The following SFMBT1 variants were observed in gnomAD, a reference collection of about 807,000 sequenced individuals.
The protein encoded by SFMBT1 is scm-like with four MBT domains protein 1.
A neutral mutation model predicts 108.7 loss-of-function variants in SFMBT1; 32 were observed. That is an observed-to-expected ratio of 0.29 (90% CI 0.22 to 0.40). The LOEUF (loss-of-function observed/expected upper bound fraction) is 0.40, where lower values mean the gene tolerates loss of function less well. Among genes scored for constraint, SFMBT1 ranks in the 10% least tolerant of loss-of-function variants. The pLI, the probability that SFMBT1 is intolerant of heterozygous loss-of-function variation, is 1.00. For missense variants in SFMBT1, 816 were observed against 1,059.6 expected (o/e 0.77, Z 3.19); for synonymous variants, 348 against 369.5 (o/e 0.94, Z 0.67).
intron 1 of SFMBT1, among the ~76,000 whole-genome samples, chr3:52,969,717 T>C (rs975509033): frequency 1.3e-5 from 2 of 152,220 alleles, no homozygotes; most frequent in African/African-American, 2.4e-5. Context: ...TAGAATATTA[T>C]GCAGATCCAT....
chr3:52,983,479 C>T lies in SFMBT1; in HGVS notation c.-130-14221G>A, dbSNP rs117461991. On this transcript the variant is annotated intron_variant, in intron 1 of 20. Transcript: ENST00000394752. ...TCTTCAACTGCGTGTGGGGTCAACACCCCTGTGTTGTTCAAGGGTCAACTA... is the reference window on the plus strand; with the variant it reads ...TCTTCAACTGCGTGTGGGGTCAACATCCCTGTGTTGTTCAAGGGTCAACTA... 3.9e-5 allele frequency among the ~76,000 whole-genome samples: 6 copies of T among 152,286 alleles called. No homozygotes were observed. The East Asian group carries it at 1.2e-3, about 29-fold the overall frequency.
chr3:53,038,538 T>C (rs981794244), intron 1 of SFMBT1, among the ~76,000 whole-genome samples: 5 of 152,188 alleles, frequency 3.3e-5, no homozygotes, highest in African/African-American at 1.2e-4. Flanking sequence ...CCACATTTAC[T>C]ACATTAATAC....
At chr3:52,978,847 T>C (rs1346538448) in intron 1 of SFMBT1, among the ~76,000 whole-genome samples, 11 of 152,056 alleles carry the variant, frequency 7.2e-5, no homozygotes, top group South Asian at 6.2e-4. Context: ...CATGAGAAGA[T>C]AGACACTAAA....
intron 1 of SFMBT1, among the ~76,000 whole-genome samples, chr3:53,024,327 GT>G (rs910316277): frequency 1.3e-5 from 2 of 152,206 alleles, no homozygotes; most frequent in African/African-American, 4.8e-5. Context: ...AAGGGAGCTA[GT>G]TACTCACATA....
intron 1 of SFMBT1, among the ~76,000 whole-genome samples, chr3:52,987,152 A>G (rs1313543829): frequency 6.6e-6 from 1 of 152,108 alleles, no homozygotes; most frequent in Non-Finnish European, 1.5e-5. Flanking sequence ...CATCTCCTTG[A>G]TAACAGTGCC....
intron 1 of SFMBT1, among the ~76,000 whole-genome samples, chr3:53,024,045 T>C (rs1699402295): frequency 6.6e-6 from 1 of 152,190 alleles, no homozygotes; most frequent in Non-Finnish European, 1.5e-5. Context: ...TCAAGGAGCT[T>C]ACATTCTAGT....
At chr3:52,987,501 T>C (rs866464696) in intron 1 of SFMBT1, among the ~76,000 whole-genome samples, 13 of 152,292 alleles carry the variant, frequency 8.5e-5, no homozygotes, top group African/African-American at 2.9e-4. Flanking sequence ...AGGCCACCAT[T>C]GACTGAAACA....
intron 1 of SFMBT1, among the ~76,000 whole-genome samples, chr3:53,031,981 G>GA (rs1228756563): frequency 6.6e-6 from 1 of 152,156 alleles, no homozygotes; most frequent in African/African-American, 2.4e-5. Flanking sequence ...TCAATGGTGA[G>GA]AAAAAAGTGC....
intron 3 of SFMBT1, among the ~76,000 whole-genome samples, chr3:52,945,136 T>TAAAAACAAAAAC (rs1553636666): frequency 6.2e-5 from 3 of 48,512 alleles, no homozygotes; most frequent in African/African-American, 2.0e-4. Flanking sequence ...ACCTTCCAAT[T>TAAAAACAAAAAC]AAAAAAAAAA....
chr3:52,940,083 A>G (rs1359408488), intron 4 of SFMBT1, among the ~76,000 whole-genome samples: 1 of 152,158 alleles, frequency 6.6e-6, no homozygotes, highest in African/African-American at 2.4e-5. Context: ...ATGAGATTCA[A>G]CTGAAATCCT....
chr3:52,918,220 T>TGAA (rs763524796), intron 13 of SFMBT1, among the ~76,000 whole-genome samples: 151 of 152,336 alleles, frequency 9.9e-4, no homozygotes, highest in South Asian at 5.2e-3. Context: ...GCACTCTTAT[T>TGAA]TTCTTTCTTT....
At chr3:52,993,194 T>C (rs1405239234) in intron 1 of SFMBT1, among the ~76,000 whole-genome samples, 1 of 132,828 alleles carries the variant, frequency 7.5e-6, no homozygotes, top group African/African-American at 2.5e-5. Context: ...TTTATAAACT[T>C]CAACCAAATC....
Position 52,928,271 on chromosome 3 carries a change from A to G in SFMBT1, c.968T>C (p.Phe323Ser). ...GCCAGGACTGTCGGCGTGGCACACA[A>G]AGGATCGCCGTGCGTGGTTCTCAGG... ...LRPENHARRS[F>S]VCHADSPGIF... The change falls in exon 9 of 21, where the codon TTT (phenylalanine) becomes TCT (serine). Residue 323 changes from phenylalanine to serine, a missense_variant. Physicochemically the swap from Phe to Ser is radical, Grantham distance 155. Around this residue, in one of 5 missense-constraint regions of SFMBT1, gnomAD observed 495 missense variants for 607.4 expected, o/e 0.81. Transcript: ENST00000394752. 6.2e-7 allele frequency: 1 copy of G among 1,614,144 alleles called. No individual in the cohort carries two copies. Among genetic ancestry groups the G allele is most frequent in the Non-Finnish European group, 8.5e-7 (1 of 1,180,012 alleles).
At chr3:52,928,520 T>C (rs1702729686) in intron 8 of SFMBT1, 179 bp from the exon 9 acceptor site, 2 of 552,252 alleles carry the variant, frequency 3.6e-6, no homozygotes, top group Non-Finnish European at 5.9e-6. Context: ...TAAATGCTTT[T>C]CATGTATCAA....
chr3:52,913,371 A>C (rs1702261555), intron 15 of SFMBT1, 107 bp downstream of exon 15: 2 of 1,378,918 alleles, frequency 1.5e-6, no homozygotes, highest in Admixed American at 5.3e-5. Flanking sequence ...GTAACTTTTG[A>C]TAAAACCTAG....
At chr3:52,981,529 ATTTTTTTTTTTT>A (rs34406724) in intron 1 of SFMBT1, among the ~76,000 whole-genome samples, 1 of 133,052 alleles carries the variant, frequency 7.5e-6, no homozygotes, top group Admixed American at 7.7e-5. Context: ...TGCTCAGCTA[ATTTTTTTTTTTT>A]TTTTTTTTTT....
chr3:52,934,859 T>G lies in SFMBT1; in HGVS notation c.407A>C (p.Gln136Pro). Residue 136 changes from glutamine (Q) to proline (P), a missense_variant, in exon 5 of 21, where the codon CAG becomes CCG. Physicochemically the swap from Gln to Pro is moderately conservative, Grantham distance 76. Around this residue, in one of 5 missense-constraint regions of SFMBT1, gnomAD observed 495 missense variants for 607.4 expected, o/e 0.81. Transcript: ENST00000394752. ...KVSDWDEFLR[Q>P]TLIGACSPPV... ...AGGACTACATGCTCCTATCAGGGTC[T>G]GCCGCAGAAACTCATCCCAGTCAGA... 1 of 1,613,780 alleles carries G rather than the reference T, an allele frequency of 6.2e-7. No homozygotes were observed. The highest frequency in any genetic ancestry group is 8.5e-7 in the Non-Finnish European group (1 of 1,179,816).
intron 1 of SFMBT1, among the ~76,000 whole-genome samples, chr3:52,983,957 AG>A (rs961495626): frequency 6.6e-6 from 1 of 152,216 alleles, no homozygotes; most frequent in Non-Finnish European, 1.5e-5. Flanking sequence ...GAGCAGAAGC[AG>A]GAAGACCAAC....
chr3:53,024,093 CAT>C (rs758338383), intron 1 of SFMBT1, among the ~76,000 whole-genome samples: 24 of 152,156 alleles, frequency 1.6e-4, no homozygotes, highest in Non-Finnish European at 3.1e-4. Flanking sequence ...AAATAAAACA[CAT>C]AGTGTGTAAC....
Sources: allele counts gnomAD v4.1 joint callset (sites outside exome capture counted in the v4.1 genomes callset), GRCh38; gene constraint gnomAD v4.1.1; regional missense constraint gnomAD v4.1.1; transcripts MANE v1.5; gene names NCBI Gene and HGNC (gene_info 2026-07-23, HGNC 2026-07-21).